Variants in NRXN3 observed in about 807,000 individuals in gnomAD.
NRXN3 encodes the protein neurexin 3.
Under a neutral mutation model 137.6 loss-of-function variants are expected in NRXN3, and 32 were observed. That is an observed-to-expected ratio of 0.23 (90% confidence interval 0.18 to 0.31). NRXN3 has a LOEUF of 0.31. NRXN3 is among the 10% of genes least tolerant of loss of function. NRXN3 has a pLI of 1.00. For synonymous variants in NRXN3, 798 were observed against 784.5 expected, an observed-to-expected ratio of 1.02 and a Z score of -0.29; for missense variants, 1,574 against 2,062.5, an observed-to-expected ratio of 0.76 and a Z score of 4.59.
At chr14:79,016,789 C>A (rs1387094482) in intron 15 of NRXN3, among the ~76,000 whole-genome samples, 1 of 152,174 alleles carries the variant, frequency 6.6e-6, no homozygotes, top group East Asian at 1.9e-4. Context: ...GCCAAGCTCT[C>A]CCTGCTCCAG....
chr14:79,317,059 T>C (rs1430339675), intron 15 of NRXN3, among the ~76,000 whole-genome samples: 4 of 151,940 alleles, frequency 2.6e-5, no homozygotes, highest in Admixed American at 6.6e-5. Context: ...GGTGAAACCC[T>C]GTCTTTACTA....
chr14:78,249,748 A>G (rs1472473318), intron 2 of NRXN3, among the ~76,000 whole-genome samples: 1 of 152,054 alleles, frequency 6.6e-6, no homozygotes, highest in Non-Finnish European at 1.5e-5. Flanking sequence ...TGGCTCATCT[A>G]TTTCTCACAA....
At position 79,348,825 on chromosome 14, in the gene NRXN3, C is replaced by G. The variant is rs186229269; in HGVS notation, c.3263-118396C>G. 4.8e-4 allele frequency among the ~76,000 whole-genome samples: 73 copies of G among 152,308 alleles called. 1 individual carries two copies. Among genetic ancestry groups the G allele is most frequent in the African/African-American group, 1.7e-3 (69 of 41,574 alleles). On this transcript the variant is annotated intron_variant, in intron 15 of 20. Transcript: ENST00000335750. ...GCTTAAACTTCTGCATGATCAATTA[C>G]TGCAGATTTTTGCACCTAGCTCCAC...
At chr14:79,733,282 A>G (rs1409371240) in intron 19 of NRXN3, among the ~76,000 whole-genome samples, 3 of 152,194 alleles carry the variant, frequency 2.0e-5, no homozygotes, top group African/African-American at 7.2e-5. Flanking sequence ...TCTGCCTACC[A>G]TTTAACAGCC....
chr14:79,849,435 AATAG>A (rs1464001774), intron 20 of NRXN3, among the ~76,000 whole-genome samples: 1 of 152,216 alleles, frequency 6.6e-6, no homozygotes, highest in Non-Finnish European at 1.5e-5. Flanking sequence ...CGATTTTAAA[AATAG>A]ACAAAGTAAC....
intron 4 of NRXN3, among the ~76,000 whole-genome samples, chr14:78,585,730 G>A (rs777237310): frequency 2.0e-5 from 3 of 152,166 alleles, no homozygotes; most frequent in Non-Finnish European, 4.4e-5. Flanking sequence ...ATGAGCTGTT[G>A]TTTGCTAAGA....
chr14:79,230,176 A>AT (rs962541950), intron 15 of NRXN3, among the ~76,000 whole-genome samples: 8 of 150,982 alleles, frequency 5.3e-5, no homozygotes, highest in African/African-American at 9.7e-5. Flanking sequence ...GAAATATTTC[A>AT]TTTTTTTTTC....
At chr14:78,366,516 G>A (rs2085964486) in intron 4 of NRXN3, among the ~76,000 whole-genome samples, 1 of 152,176 alleles carries the variant, frequency 6.6e-6, no homozygotes, top group African/African-American at 2.4e-5. Flanking sequence ...ATGACTTTTA[G>A]CATGTTGGCT....
intron 19 of NRXN3, among the ~76,000 whole-genome samples, chr14:79,795,067 G>C (rs925116795): frequency 2.6e-5 from 4 of 152,172 alleles, no homozygotes; most frequent in African/African-American, 9.7e-5. Context: ...TCATGCCTGT[G>C]ATTACACCTG....
chr14:79,340,613 G>A (rs1391526793), intron 15 of NRXN3, among the ~76,000 whole-genome samples: 2 of 152,062 alleles, frequency 1.3e-5, no homozygotes, highest in Admixed American at 6.5e-5. Context: ...TTACAGGCAT[G>A]CACCACCACG....
chr14:79,848,561 C>T (rs2099385292), intron 20 of NRXN3, among the ~76,000 whole-genome samples: 1 of 152,166 alleles, frequency 6.6e-6, no homozygotes, highest in African/African-American at 2.4e-5. Context: ...AACACCTCTG[C>T]ATTAGACCCT....
chr14:78,838,766 G>A (rs1267447267), intron 10 of NRXN3, among the ~76,000 whole-genome samples: 7 of 152,106 alleles, frequency 4.6e-5, no homozygotes, highest in Non-Finnish European at 1.0e-4. Context: ...CAATTCTGGG[G>A]ACAGTTCCTA....
At chr14:78,753,405 G>T (rs2098652453) in intron 8 of NRXN3, among the ~76,000 whole-genome samples, 1 of 152,180 alleles carries the variant, frequency 6.6e-6, no homozygotes. Context: ...GCTATTTAGA[G>T]ATTGCACTCT....
chr14:79,060,179 T>C (rs1402228989), intron 15 of NRXN3, among the ~76,000 whole-genome samples: 2 of 152,200 alleles, frequency 1.3e-5, no homozygotes, highest in Admixed American at 6.5e-5. Flanking sequence ...CAAAGTCCCA[T>C]TCAATGTTCT....
chr14:78,785,568 C>A (rs967871716), intron 8 of NRXN3, among the ~76,000 whole-genome samples: 6 of 152,146 alleles, frequency 3.9e-5, no homozygotes, highest in Non-Finnish European at 5.9e-5. Context: ...ACTTTGCCAG[C>A]CCTATAAAAC....
chr14:78,904,659 G>A (rs932189043), intron 10 of NRXN3, among the ~76,000 whole-genome samples: 3 of 151,890 alleles, frequency 2.0e-5, no homozygotes, highest in East Asian at 1.9e-4. Context: ...TTTGCTGACC[G>A]TTCCAGTAAA....
At chr14:78,337,825 C>A (rs1303435798) in intron 4 of NRXN3, among the ~76,000 whole-genome samples, 1 of 152,066 alleles carries the variant, frequency 6.6e-6, no homozygotes, top group Non-Finnish European at 1.5e-5. Context: ...TTTGGAGGAA[C>A]CAGAGATGAA....
At chr14:78,601,687 C>T (rs1566860020) in intron 4 of NRXN3, among the ~76,000 whole-genome samples, 1 of 152,136 alleles carries the variant, frequency 6.6e-6, no homozygotes, top group African/African-American at 2.4e-5. Flanking sequence ...ATCTCCTGAC[C>T]TCGTGATCCA....
intron 16 of NRXN3, among the ~76,000 whole-genome samples, chr14:79,555,393 C>T (rs1436098020): frequency 6.6e-6 from 1 of 152,062 alleles, no homozygotes; most frequent in African/African-American, 2.4e-5. Flanking sequence ...ACCCTAATAA[C>T]CAGTAGCATT....
Sources: gnomAD v4.1 joint callset for allele counts (sites outside exome capture counted in the v4.1 genomes callset) on GRCh38, gnomAD v4.1.1 for gene constraint, MANE v1.5 for transcripts, NCBI Gene and HGNC (gene_info 2026-07-23, HGNC 2026-07-21) for gene names.